PCDH15: variants seen among roughly 807,000 people sequenced by gnomAD.
The protein encoded by PCDH15 is protocadherin-15.
PCDH15 carries 129 observed loss-of-function variants against 178.5 expected under a neutral mutation model. The ratio of observed to expected loss-of-function variants is 0.72; its 90% confidence interval spans 0.63 to 0.84. PCDH15 has a LOEUF of 0.84. Among genes scored for constraint, PCDH15 ranks in the 40% least tolerant of loss-of-function variants. PCDH15 has a pLI of 0.00. For synonymous variants in PCDH15, 800 were observed against 732.0 expected (o/e 1.09, Z -1.50); for missense variants, 2,230 against 2,099.9 (o/e 1.06, Z -1.21).
chr10:55,512,590 T>C (rs1032387241), intron 2 of PCDH15, among the ~76,000 whole-genome samples: 5 of 152,070 alleles, frequency 3.3e-5, no homozygotes, highest in Non-Finnish European at 5.9e-5. Context: ...TTACCCTTGC[T>C]CAGATACCAC....
At chr10:55,065,651 TAAG>T (rs776110428) in intron 2 of PCDH15, among the ~76,000 whole-genome samples, 4 of 152,098 alleles carry the variant, frequency 2.6e-5, no homozygotes, top group Admixed American at 6.6e-5. Flanking sequence ...CTAGAACTTT[TAAG>T]AAGTCAAAAT....
intron 2 of PCDH15, among the ~76,000 whole-genome samples, chr10:55,116,870 A>G (rs1278694085): frequency 3.3e-5 from 5 of 152,166 alleles, no homozygotes; most frequent in Admixed American, 6.5e-5. Context: ...TACTTTCCAC[A>G]TAATGAGAGA....
chr10:54,148,659 T>C (rs1270566700), intron 14 of PCDH15, among the ~76,000 whole-genome samples: 1 of 152,046 alleles, frequency 6.6e-6, no homozygotes. Context: ...CAAAATTAAA[T>C]TGATGTCCTC....
intron 10 of PCDH15, among the ~76,000 whole-genome samples, chr10:54,209,322 G>A (rs2051154488): frequency 6.6e-6 from 1 of 152,074 alleles, no homozygotes; most frequent in South Asian, 2.1e-4. Context: ...TGGACAAGAT[G>A]CACAGAAATG....
At chr10:54,590,143 C>A (rs2091785184) in intron 2 of PCDH15, among the ~76,000 whole-genome samples, 1 of 151,938 alleles carries the variant, frequency 6.6e-6, no homozygotes, top group African/African-American at 2.4e-5. Context: ...TTATTTTATT[C>A]CATTTAGTGA....
intron 1 of PCDH15, among the ~76,000 whole-genome samples, chr10:55,229,117 C>T (rs1841139005): frequency 6.6e-6 from 1 of 151,492 alleles, no homozygotes; most frequent in South Asian, 2.1e-4. Context: ...CTGAAGTTTC[C>T]TTTTTCTATA....
chr10:55,543,252 TATA>T (rs1199400355), intron 2 of PCDH15, among the ~76,000 whole-genome samples: 7 of 150,682 alleles, frequency 4.6e-5, no homozygotes, highest in Non-Finnish European at 1.0e-4. Context: ...TGTCTATATA[TATA>T]ATATGTATAT....
At chr10:55,218,844 C>T (rs916510391) in intron 1 of PCDH15, among the ~76,000 whole-genome samples, 8 of 148,564 alleles carry the variant, frequency 5.4e-5, no homozygotes, top group African/African-American at 2.0e-4. Flanking sequence ...TCTAAATCCT[C>T]ATCTACACTC....
chr10:55,577,803 T>C (rs1486645019), intron 2 of PCDH15, among the ~76,000 whole-genome samples: 1 of 152,192 alleles, frequency 6.6e-6, no homozygotes, highest in African/African-American at 2.4e-5. Flanking sequence ...AGTTGTTAAT[T>C]TGCTGACATC....
chr10:54,250,483 T>A (rs2056388892), intron 8 of PCDH15, among the ~76,000 whole-genome samples: 1 of 151,012 alleles, frequency 6.6e-6, no homozygotes, highest in African/African-American at 2.4e-5. Flanking sequence ...CAGGGTTTCA[T>A]CACTTTAGCC....
intron 2 of PCDH15, among the ~76,000 whole-genome samples, chr10:55,589,076 C>T (rs569405473): frequency 5.6e-5 from 6 of 106,522 alleles, no homozygotes; most frequent in South Asian, 3.3e-4. Context: ...AGCAAAATTC[C>T]GTGTCAAAAA....
intron 2 of PCDH15, among the ~76,000 whole-genome samples, chr10:54,530,625 C>A (rs1046585640): frequency 3.3e-5 from 5 of 152,112 alleles, no homozygotes; most frequent in Non-Finnish European, 5.9e-5. Flanking sequence ...TTCTCACTAA[C>A]CCCTCAATAG....
intron 3 of PCDH15, among the ~76,000 whole-genome samples, chr10:54,453,205 T>C (rs902895573): frequency 1.2e-4 from 18 of 152,172 alleles, no homozygotes; most frequent in African/African-American, 4.1e-4. Flanking sequence ...CACATGCACA[T>C]GTATGTTTAT....
chr10:54,436,217 G>A, intron 3 of PCDH15, among the ~76,000 whole-genome samples: 1 of 151,898 alleles, frequency 6.6e-6, no homozygotes, highest in East Asian at 1.9e-4. Flanking sequence ...AGTCATAAAA[G>A]TGAATTAGAA....
At chr10:55,040,224 T>C (rs980380326) in intron 2 of PCDH15, among the ~76,000 whole-genome samples, 3 of 152,164 alleles carry the variant, frequency 2.0e-5, no homozygotes, top group Admixed American at 2.0e-4. Flanking sequence ...CGATAATTTG[T>C]CAATGGCAGC....
intron 2 of PCDH15, among the ~76,000 whole-genome samples, chr10:55,616,912 T>C (rs531098245): frequency 5.3e-5 from 8 of 152,198 alleles, no homozygotes; most frequent in African/African-American, 1.9e-4. Context: ...AGAATATACA[T>C]TAAGTACATT....
intron 1 of PCDH15, among the ~76,000 whole-genome samples, chr10:55,276,963 G>A (rs772608943): frequency 6.6e-6 from 1 of 151,998 alleles, no homozygotes. Flanking sequence ...CAGTATGATC[G>A]TTGGTCTTTA....
intron 2 of PCDH15, among the ~76,000 whole-genome samples, chr10:54,964,341 C>A (rs1838728973): frequency 1.3e-5 from 2 of 152,138 alleles, no homozygotes; most frequent in Admixed American, 6.6e-5. Context: ...AATGTAAGTA[C>A]ATTTTTGACC....
At chr10:54,986,860 A>T in intron 2 of PCDH15, among the ~76,000 whole-genome samples, 1 of 152,286 alleles carries the variant, frequency 6.6e-6, no homozygotes, top group South Asian at 2.1e-4. Context: ...AGAGTTATCA[A>T]GCAATAATCT....
Sources: allele counts gnomAD v4.1 joint callset (sites outside exome capture counted in the v4.1 genomes callset), GRCh38; gene constraint gnomAD v4.1.1; transcripts MANE v1.5; gene names NCBI Gene and HGNC (gene_info 2026-07-23, HGNC 2026-07-21).